Variants in CEBPZ observed in about 807,000 individuals in gnomAD.
CEBPZ encodes the protein CCAAT/enhancer-binding protein zeta.
A neutral mutation model predicts 104.5 loss-of-function variants in CEBPZ; 78 were observed. The observed-to-expected ratio is 0.75, with a 90% CI of 0.62 to 0.90. The LOEUF is 0.90. CEBPZ is among the 40% of genes least tolerant of loss of function. The probability of loss-of-function intolerance (pLI) is 0.00; values close to 1 mark genes in which losing one functional copy is unlikely to be tolerated. For missense variants in CEBPZ, 1,439 were observed against 1,233.5 expected, an observed-to-expected ratio of 1.17 and a Z score of -2.50; for synonymous variants, 470 against 427.0, an observed-to-expected ratio of 1.10 and a Z score of -1.24.
intron 6 of CEBPZ, 51 bp from the exon 7 acceptor site, chr2:37,216,469 A>C: frequency 3.9e-6 from 5 of 1,293,824 alleles, no homozygotes; most frequent in Non-Finnish European, 5.5e-6. Flanking sequence ...ATGTCTATGA[A>C]TCCAAGTAAG....
intron 2 of CEBPZ, among the ~76,000 whole-genome samples, chr2:37,227,114 T>A (rs2075216): frequency 0.047 from 7,203 of 152,264 alleles, 735 homozygotes; most frequent in East Asian, 0.36. Flanking sequence ...TTGAATGAGT[T>A]ACTGTGTGAA....
intron 10 of CEBPZ, 112 bp downstream of exon 10, chr2:37,213,752 A>C: frequency 1.5e-6 from 1 of 683,652 alleles, no homozygotes; most frequent in Non-Finnish European, 2.4e-6. Context: ...TTTGCATGAT[A>C]TTCTTAGCTA....
rs1277097771 is a variant in CEBPZ, at chr2:37,227,955, T to G, written c.1238A>C (p.His413Pro). 6.2e-7 allele frequency: 1 copy of G among 1,614,230 alleles called. No individual in the cohort carries two copies. ...SHLLETLLCK[H>P]PNMKGVVSGE... ...AGACACAACTCCTTTCATATTGGGA[T>G]GTTTACAAAGTAATGTCTCTAACAG... is the stretch of plus-strand genomic sequence containing the variant. Residue 413 changes from histidine to proline, a missense_variant, in exon 2 of 16, where the codon CAT (histidine) becomes CCT (proline). Coordinates refer to ENST00000234170, the MANE Select transcript of CEBPZ (RefSeq NM_005760.3).
chr2:37,207,639 T>C (rs991002243), intron 13 of CEBPZ, among the ~76,000 whole-genome samples: 1 of 152,188 alleles, frequency 6.6e-6, no homozygotes, highest in African/African-American at 2.4e-5. Flanking sequence ...ACCTCTGGGA[T>C]ACAGCAAAAG....
In CEBPZ at chr2:37,208,979, T is replaced by C. The variant is rs776487016; in HGVS notation, c.2884+2020A>G. 22 of 151,842 alleles carry C rather than the reference T, an allele frequency of 1.4e-4. 1 individual carries two copies. The highest frequency in any genetic ancestry group is 5.9e-4 in the Admixed American group (9 of 15,222). 9.4% of individuals were successfully genotyped at this position (151,842 alleles called of 1,614,324 possible). A position where few individuals can be genotyped will look rare whatever the true frequency, so the allele number is the denominator to read the frequency against. ...AATCAATGTGCGCAAACCAGTAGCATTGCTATACACCAACAGCAACCAAGC... is the reference window on the plus strand; with the variant it reads ...AATCAATGTGCGCAAACCAGTAGCACTGCTATACACCAACAGCAACCAAGC... On this transcript the variant is annotated intron_variant, in intron 13 of 15. Transcript: ENST00000234170.
intron 2 of CEBPZ, among the ~76,000 whole-genome samples, chr2:37,227,317 T>C (rs1485112171): frequency 1.3e-5 from 2 of 152,220 alleles, no homozygotes; most frequent in African/African-American, 4.8e-5. Flanking sequence ...TTTCTGTATT[T>C]TACAACCTCT....
chr2:37,230,643 T>A (rs1665044037), intron 1 of CEBPZ, among the ~76,000 whole-genome samples: 1 of 152,216 alleles, frequency 6.6e-6, no homozygotes, highest in African/African-American at 2.4e-5. Flanking sequence ...TGCATCAAAC[T>A]CAGAGCAAAA....
chr2:37,223,490 C>T (rs1664815643), intron 2 of CEBPZ, 89 bp from the exon 3 acceptor site: 1 of 1,102,346 alleles, frequency 9.1e-7, no homozygotes, highest in Non-Finnish European at 1.3e-6. Flanking sequence ...CTAACCTCAT[C>T]TTAGTTAGGG....
intron 12 of CEBPZ, 112 bp from the exon 13 acceptor site, chr2:37,211,194 T>C: frequency 1.6e-6 from 1 of 613,342 alleles, no homozygotes; most frequent in Non-Finnish European, 2.7e-6. Flanking sequence ...TATACTGCTA[T>C]TCCATGTGGG....
chr2:37,202,024 CT>C (rs746196694), intron 15 of CEBPZ, 121 bp from the exon 16 acceptor site: 7 of 723,482 alleles, frequency 9.7e-6, no homozygotes, highest in Non-Finnish European at 1.6e-5. Context: ...TTCCCACCCA[CT>C]ATACAAACCC....
intron 1 of CEBPZ, among the ~76,000 whole-genome samples, chr2:37,229,852 G>A (rs371499789): frequency 3.5e-4 from 54 of 152,138 alleles, no homozygotes; most frequent in African/African-American, 7.5e-4. Flanking sequence ...TACACGCCCA[G>A]CTATTTAAAA....
intron 1 of CEBPZ, 22 bp downstream of exon 1, chr2:37,231,390 C>A: frequency 6.2e-7 from 1 of 1,613,452 alleles, no homozygotes. Context: ...TGATCCCGTT[C>A]CCCGGAGCCC....
intron 10 of CEBPZ, among the ~76,000 whole-genome samples, chr2:37,212,877 A>C (rs11686835): frequency 1.3e-5 from 2 of 150,802 alleles, no homozygotes; most frequent in Admixed American, 6.6e-5. Flanking sequence ...CAAAAAAAAA[A>C]ACAAAAAAAA....
chr2:37,212,171 A>G, intron 11 of CEBPZ, 132 bp from the exon 12 acceptor site: 3 of 982,002 alleles, frequency 3.1e-6, no homozygotes, highest in Non-Finnish European at 4.6e-6. Context: ...AGAGTAAATA[A>G]TAACGTGCTT....
chr2:37,207,812 A>G (rs1230147735), intron 13 of CEBPZ, among the ~76,000 whole-genome samples: 2 of 152,200 alleles, frequency 1.3e-5, no homozygotes, highest in African/African-American at 2.4e-5. Flanking sequence ...TCAGAGCAGA[A>G]CTAAATAAAA....
chr2:37,222,861 A>G (rs1461183045), intron 3 of CEBPZ, among the ~76,000 whole-genome samples: 1 of 152,222 alleles, frequency 6.6e-6, no homozygotes, highest in Non-Finnish European at 1.5e-5. Context: ...CCTATGAGGT[A>G]GGTACTATTA....
chr2:37,213,636 ACTC>A (rs1677795457), intron 10 of CEBPZ: 5 of 394,528 alleles, frequency 1.3e-5, no homozygotes, highest in Non-Finnish European at 2.3e-5. Flanking sequence ...CTGGTCTCGA[ACTC>A]CTGACCTCAA....
chr2:37,222,298 T>G (rs1330046008), intron 4 of CEBPZ, 82 bp downstream of exon 4: 10 of 1,190,050 alleles, frequency 8.4e-6, no homozygotes, highest in African/African-American at 4.7e-5. Context: ...AATAAATAAG[T>G]AAATAAAATG....
At chr2:37,224,768 A>T (rs1004268751) in intron 2 of CEBPZ, among the ~76,000 whole-genome samples, 4 of 152,176 alleles carry the variant, frequency 2.6e-5, no homozygotes, top group African/African-American at 9.7e-5. Flanking sequence ...TCAATTAACT[A>T]GGGGTTTTCT....
Sources: gnomAD v4.1 joint callset for allele counts (sites outside exome capture counted in the v4.1 genomes callset) on GRCh38, gnomAD v4.1.1 for gene constraint, MANE v1.5 for transcripts, NCBI Gene and HGNC (gene_info 2026-07-23, HGNC 2026-07-21) for gene names.